LSAMP: variants seen among roughly 807,000 people sequenced by gnomAD.
LSAMP encodes the protein limbic system-associated membrane protein.
In LSAMP, 7 loss-of-function variants were observed where a neutral mutation model predicts 38.6. That is an observed-to-expected ratio of 0.18 (90% CI 0.10 to 0.34). The LOEUF (loss-of-function observed/expected upper bound fraction) is 0.34, where lower values mean the gene tolerates loss of function less well. Ranked by LOEUF, LSAMP falls within the 10% of genes least tolerant of loss-of-function variation. LSAMP has a pLI of 1.00. For synonymous variants in LSAMP, 154 were observed against 166.8 expected, an observed-to-expected ratio of 0.92 and a Z score of 0.59; for missense variants, 313 against 420.0, an observed-to-expected ratio of 0.75 and a Z score of 2.23.
rs530235060 is a variant in LSAMP, at chr3:116,079,802, T to C, written c.388+6522A>G. Reference sequence around the variant, plus strand: ...CCTATTTGTAGCAAACTGAAAACAATAGAAATAACTATATATTAAATATAT... The same window carrying C: ...CCTATTTGTAGCAAACTGAAAACAACAGAAATAACTATATATTAAATATAT... On this transcript the variant is annotated intron_variant, in intron 2 of 6. Transcript: ENST00000490035. Among the ~76,000 whole-genome samples the C allele has an allele frequency of 8.6e-5, 13 of 152,018 alleles. 1 individual carries two copies. In the East Asian group the frequency reaches 2.1e-3, roughly 25 times the overall value.
At chr3:116,169,500 T>C (rs965314922) in intron 1 of LSAMP, among the ~76,000 whole-genome samples, 3 of 152,220 alleles carry the variant, frequency 2.0e-5, no homozygotes, top group Non-Finnish European at 4.4e-5. Flanking sequence ...CACATTCTTC[T>C]TCCTTTCTTC....
chr3:115,875,835 A>AC (rs1418635613), intron 3 of LSAMP, among the ~76,000 whole-genome samples: 22 of 152,246 alleles, frequency 1.4e-4, no homozygotes, highest in Admixed American at 1.2e-3. Context: ...TTTTGAAATA[A>AC]CTTTTAAAAA....
At chr3:115,981,032 G>T (rs181224806) in intron 3 of LSAMP, among the ~76,000 whole-genome samples, 1 of 152,240 alleles carries the variant, frequency 6.6e-6, no homozygotes, top group Admixed American at 6.5e-5. Context: ...CACAATGCCA[G>T]TGTCCCAGAC....
At position 115,810,433 on chromosome 3, in the gene LSAMP, G is replaced by T; in HGVS notation, c.920-19C>A. On this transcript the variant is annotated intron_variant, in intron 6 of 6. Coordinates refer to ENST00000490035, the MANE Select transcript of LSAMP (RefSeq NM_002338.5). ...CCAGGTCCTGCAGAGCAAAAGAGGA[G>T]AGAGAAAAAGAGAATGAGTTACATG... is the stretch of plus-strand genomic sequence containing the variant. 3 of 1,539,494 alleles carry T rather than the reference G, an allele frequency of 1.9e-6. No homozygotes were observed. Among genetic ancestry groups the T allele is most frequent in the Non-Finnish European group, 2.7e-6 (3 of 1,113,786 alleles).
intron 1 of LSAMP, among the ~76,000 whole-genome samples, chr3:116,290,858 T>C (rs1383437017): frequency 6.6e-6 from 1 of 152,016 alleles, no homozygotes; most frequent in Non-Finnish European, 1.5e-5. Context: ...ATTAAATTAA[T>C]CAAATTAATA....
chr3:115,862,762 T>C (rs886977862), intron 3 of LSAMP, among the ~76,000 whole-genome samples: 6 of 152,198 alleles, frequency 3.9e-5, no homozygotes, highest in African/African-American at 1.4e-4. Context: ...AGCTAAAAAT[T>C]ACTCCATCAA....
At chr3:116,020,478 G>T (rs1239960737) in intron 2 of LSAMP, among the ~76,000 whole-genome samples, 1 of 152,134 alleles carries the variant, frequency 6.6e-6, no homozygotes. Flanking sequence ...GCTAGGTGAG[G>T]GGCAGAAAAT....
chr3:116,299,248 A>G (rs1229677139), intron 1 of LSAMP, among the ~76,000 whole-genome samples: 2 of 152,234 alleles, frequency 1.3e-5, no homozygotes, highest in East Asian at 1.9e-4. Flanking sequence ...AAGGATTACT[A>G]TTGACATGCT....
At chr3:115,892,420 A>G (rs954115571) in intron 3 of LSAMP, among the ~76,000 whole-genome samples, 8 of 152,064 alleles carry the variant, frequency 5.3e-5, no homozygotes, top group Non-Finnish European at 1.2e-4. Context: ...ATACAGAATA[A>G]GATAAACTAT....
intron 1 of LSAMP, among the ~76,000 whole-genome samples, chr3:116,337,118 G>A (rs1188524889): frequency 6.6e-6 from 1 of 151,958 alleles, no homozygotes; most frequent in Non-Finnish European, 1.5e-5. Context: ...ACTTAGAATA[G>A]TCAAAATCAT....
chr3:115,840,353 C>A (rs954891384), intron 6 of LSAMP, among the ~76,000 whole-genome samples: 1 of 151,932 alleles, frequency 6.6e-6, no homozygotes, highest in Non-Finnish European at 1.5e-5. Flanking sequence ...CCCCCCGCAC[C>A]CCCCCTCTCC....
rs903974621 is a variant in LSAMP, at chr3:116,283,642, A to G, written c.155+161235T>C. On this transcript the variant is annotated intron_variant, in intron 1 of 6. Transcript: ENST00000490035. ...AATAATCCCAGTGAATAAATTTTAA[A>G]GAGATTCTGGGAATCAAAAAATAAA... 2.0e-5 allele frequency among the ~76,000 whole-genome samples: 3 copies of G among 152,198 alleles called. No individual in the cohort carries two copies. In the South Asian group the frequency reaches 6.2e-4, roughly 32 times the overall value.
At chr3:116,286,111 A>G (rs2047191738) in intron 1 of LSAMP, among the ~76,000 whole-genome samples, 1 of 152,182 alleles carries the variant, frequency 6.6e-6, no homozygotes, top group African/African-American at 2.4e-5. Flanking sequence ...TTCCAGGAGG[A>G]GAAGAGGGGC....
At chr3:116,397,551 C>A (rs116065923) in intron 1 of LSAMP, among the ~76,000 whole-genome samples, 1 of 152,106 alleles carries the variant, frequency 6.6e-6, no homozygotes, top group Admixed American at 6.5e-5. Flanking sequence ...TTCGTGAGGA[C>A]TGAAATTTCT....
rs138006037 is a variant in LSAMP at position 116,414,783 on chromosome 3, C to T, written c.155+30094G>A. 6.2e-3 allele frequency among the ~76,000 whole-genome samples: 938 copies of T among 152,204 alleles called. 9 individuals are homozygous for T. Among genetic ancestry groups the T allele is most frequent in the African/African-American group, 0.021 (891 of 41,544 alleles). ...TGCATCTGCACTGCCATTTAATTCC[C>T]ACAGTAATTGTAAATAATAGTGACA... On this transcript the variant is annotated intron_variant, in intron 1 of 6. Transcript: ENST00000490035.
At chr3:116,249,627 G>A (rs982586700) in intron 1 of LSAMP, among the ~76,000 whole-genome samples, 16 of 151,598 alleles carry the variant, frequency 1.1e-4, no homozygotes, top group African/African-American at 3.2e-4. Flanking sequence ...CTCGTGATCC[G>A]CCCGCCTCAG....
intron 1 of LSAMP, among the ~76,000 whole-genome samples, chr3:116,203,237 T>A (rs2046012279): frequency 6.6e-6 from 1 of 152,204 alleles, no homozygotes; most frequent in Admixed American, 6.5e-5. Flanking sequence ...ATTAGGTATT[T>A]CATTATGTTC....
intron 6 of LSAMP, among the ~76,000 whole-genome samples, chr3:115,836,183 C>T (rs891360098): frequency 3.3e-5 from 5 of 152,138 alleles, no homozygotes; most frequent in African/African-American, 4.8e-5. Context: ...TCAACTGCTT[C>T]TCAGCTTGTT....
intron 1 of LSAMP, among the ~76,000 whole-genome samples, chr3:116,334,508 C>T (rs571661159): frequency 1.3e-5 from 2 of 152,122 alleles, no homozygotes; most frequent in South Asian, 2.1e-4. Context: ...GTCTAGAAAA[C>T]TGAATTTAGC....
Sources: gnomAD v4.1 joint callset for allele counts (sites outside exome capture counted in the v4.1 genomes callset) on GRCh38, gnomAD v4.1.1 for gene constraint, MANE v1.5 for transcripts, NCBI Gene and HGNC (gene_info 2026-07-23, HGNC 2026-07-21) for gene names.